RASEF: variants seen among roughly 807,000 people sequenced by gnomAD.
The protein encoded by RASEF is ras and EF-hand domain-containing protein.
A neutral mutation model predicts 90.1 loss-of-function variants in RASEF; 68 were observed. The observed-to-expected ratio is 0.75, with a 90% CI of 0.62 to 0.92. RASEF has a LOEUF of 0.92. Among genes scored for constraint, RASEF ranks in the 40% least tolerant of loss-of-function variants. The pLI is 0.00. For missense variants in RASEF, 949 were observed against 937.2 expected (o/e 1.01, Z -0.16); for synonymous variants, 331 against 345.2 (o/e 0.96, Z 0.46).
At chr9:83,055,257 T>G in intron 1 of RASEF, 1 of 311,138 alleles carries the variant, frequency 3.2e-6, no homozygotes, top group Non-Finnish European at 6.2e-6. Context: ...GTGCGCCGTT[T>G]CTTAAGCCGG....
At chr9:83,168,408 T>C in the RASEF span, among the ~76,000 whole-genome samples, 1 of 152,156 alleles carries the variant, frequency 6.6e-6, no homozygotes, top group African/African-American at 2.4e-5. Context: ...ATGAGGTACA[T>C]GTGATATTGT....
At chr9:83,070,113 T>C in the RASEF span, among the ~76,000 whole-genome samples, 1 of 152,168 alleles carries the variant, frequency 6.6e-6, no homozygotes, top group African/African-American at 2.4e-5. Flanking sequence ...ATGGTAACTT[T>C]TTAAGAGTAG....
the RASEF span, among the ~76,000 whole-genome samples, chr9:83,071,801 A>G: frequency 2.0e-5 from 3 of 152,212 alleles, no homozygotes; most frequent in African/African-American, 7.2e-5. Context: ...TTCACATGGT[A>G]TCTCCATCTG....
At chr9:83,184,192 G>A in the RASEF span, among the ~76,000 whole-genome samples, 1 of 152,176 alleles carries the variant, frequency 6.6e-6, no homozygotes, top group Non-Finnish European at 1.5e-5. Context: ...GGTAGGGCTT[G>A]GGAGGGACAA....
At chr9:83,112,939 T>C in the RASEF span, among the ~76,000 whole-genome samples, 1 of 152,198 alleles carries the variant, frequency 6.6e-6, no homozygotes, top group African/African-American at 2.4e-5. Flanking sequence ...AAACCTTTTT[T>C]CTGTAATTCT....
the RASEF span, among the ~76,000 whole-genome samples, chr9:83,170,210 C>T: frequency 6.6e-6 from 1 of 151,966 alleles, no homozygotes; most frequent in Non-Finnish European, 1.5e-5. Context: ...ATGTTATTGG[C>T]ACCTTTGTCA....
At chr9:83,071,835 A>T in the RASEF span, among the ~76,000 whole-genome samples, 1 of 152,192 alleles carries the variant, frequency 6.6e-6, no homozygotes, top group East Asian at 1.9e-4. Context: ...TTATTGCCTC[A>T]GGGTTTTAAG....
chr9:83,182,122 C>T, the RASEF span, among the ~76,000 whole-genome samples: 1,946 of 152,236 alleles, frequency 0.013, 47 homozygotes, highest in African/African-American at 0.044. Flanking sequence ...TGTAACCATG[C>T]GGTAGCTCTA....
At chr9:83,183,455 G>A in the RASEF span, among the ~76,000 whole-genome samples, 106,327 of 151,954 alleles carry the variant, frequency 0.7, 37,466 homozygotes, top group Middle Eastern at 0.84. Context: ...GAAAGTATAT[G>A]AACTAGACAT....
At chr9:83,045,519 C>A (rs1829912102) in intron 1 of RASEF, among the ~76,000 whole-genome samples, 1 of 152,182 alleles carries the variant, frequency 6.6e-6, no homozygotes, top group African/African-American at 2.4e-5. Flanking sequence ...GACTAAAGCA[C>A]TTTTATTATC....
At chr9:82,995,359 T>A (rs1035578997) in intron 14 of RASEF, among the ~76,000 whole-genome samples, 10 of 152,254 alleles carry the variant, frequency 6.6e-5, no homozygotes, top group African/African-American at 2.4e-4. Context: ...GGTTATCTGT[T>A]ATTCTCTGGA....
chr9:83,163,332 C>T, the RASEF span, among the ~76,000 whole-genome samples: 2 of 151,708 alleles, frequency 1.3e-5, no homozygotes, highest in Non-Finnish European at 2.9e-5. Flanking sequence ...GTCCAGGTAT[C>T]AAGAAAAAAC....
chr9:83,007,067 C>A (rs1829146531), intron 7 of RASEF, among the ~76,000 whole-genome samples: 1 of 139,460 alleles, frequency 7.2e-6, no homozygotes, highest in African/African-American at 2.8e-5. Context: ...GCACTTCAGC[C>A]TGGGTGACAG....
intron 15 of RASEF, among the ~76,000 whole-genome samples, chr9:82,992,527 C>T (rs555397825): frequency 6.6e-6 from 1 of 152,168 alleles, no homozygotes; most frequent in East Asian, 1.9e-4. Flanking sequence ...GGCATTATAA[C>T]CCTCTGAAAC....
chr9:83,134,451 T>TACACACACACACACACACACAC, the RASEF span, among the ~76,000 whole-genome samples: 1 of 96,394 alleles, frequency 1.0e-5, no homozygotes, highest in African/African-American at 3.6e-5. Context: ...CACACACACA[T>TACACACACACACACACACACAC]ATATATATAT....
the RASEF span, among the ~76,000 whole-genome samples, chr9:83,097,209 C>G: frequency 6.6e-6 from 1 of 152,226 alleles, no homozygotes; most frequent in African/African-American, 2.4e-5. Context: ...AATCGCCACA[C>G]TGTCTTCCAC....
chr9:82,987,258 T>C (rs1828726797), intron 16 of RASEF, among the ~76,000 whole-genome samples: 1 of 36,908 alleles, frequency 2.7e-5, no homozygotes, highest in African/African-American at 7.5e-5. Flanking sequence ...ATATGTTTGC[T>C]TTATTTATAA....
chr9:83,164,347 G>GTGTATA, the RASEF span, among the ~76,000 whole-genome samples: 7 of 129,984 alleles, frequency 5.4e-5, no homozygotes, highest in Admixed American at 1.6e-4. Context: ...GTATATGTGT[G>GTGTATA]TATATATATA....
the RASEF span, among the ~76,000 whole-genome samples, chr9:83,085,262 C>T: frequency 5.3e-5 from 8 of 152,180 alleles, no homozygotes; most frequent in Admixed American, 3.3e-4. Context: ...TGTATAAATT[C>T]AGTTATTCTA....
Sources: gnomAD v4.1 joint callset for allele counts (sites outside exome capture counted in the v4.1 genomes callset) on GRCh38, gnomAD v4.1.1 for gene constraint, MANE v1.5 for transcripts, NCBI Gene and HGNC (gene_info 2026-07-23, HGNC 2026-07-21) for gene names.